IL7: variants seen among roughly 807,000 people sequenced by gnomAD.
The protein encoded by IL7 is interleukin 7.
IL7 carries 3 observed loss-of-function variants against 21.6 expected under a neutral mutation model. The observed-to-expected ratio is 0.14, with a 90% confidence interval of 0.06 to 0.36. The LOEUF (loss-of-function observed/expected upper bound fraction) is 0.36, where lower values mean the gene tolerates loss of function less well. Ranked by LOEUF, IL7 falls within the 10% of genes least tolerant of loss-of-function variation. The probability of loss-of-function intolerance (pLI) is 1.00; values close to 1 mark genes in which losing one functional copy is unlikely to be tolerated. For missense variants in IL7, 175 were observed against 200.2 expected (o/e 0.87, Z 0.76); for synonymous variants, 62 against 68.1 (o/e 0.91, Z 0.44).
intron 2 of IL7, chr8:78,762,557 G>A (rs543843588): frequency 2.3e-6 from 1 of 431,914 alleles, no homozygotes; most frequent in Admixed American, 4.7e-5. Flanking sequence ...ACGCGCGGGG[G>A]AGGGGCGGGC....
intron 3 of IL7, among the ~76,000 whole-genome samples, chr8:78,693,680 G>C (rs758871086): frequency 5.3e-5 from 8 of 152,080 alleles, no homozygotes; most frequent in Non-Finnish European, 1.0e-4. Flanking sequence ...CATTCTGTAG[G>C]TTGCCTGTTC....
rs1206083492 is a variant in IL7, at chr8:78,707,264, A to G, written n.214+14084T>C. ...TTTCAGTATTTCTATAGTACTGGCA[A>G]TTTTATCAGTTGGCAATATTAAATT... On this transcript the variant is annotated intron_variant and non_coding_transcript_variant, in intron 3 of 4. Transcript: ENST00000523959. Among the ~76,000 whole-genome samples, 5 of 152,196 alleles carry G rather than the reference A, an allele frequency of 3.3e-5. No homozygotes were observed. In the East Asian group the frequency reaches 5.8e-4, roughly 18 times the overall value.
chr8:78,760,303 T>A, intron 2 of IL7: 1 of 1,607,212 alleles, frequency 6.2e-7, no homozygotes. Flanking sequence ...AAAGTGTTCC[T>A]CAAATATGCT....
exon 7 of IL7, chr8:78,717,903 G>T: frequency 6.4e-6 from 1 of 155,472 alleles, no homozygotes; most frequent in Non-Finnish European, 1.4e-5. Context: ...TTGTATTATT[G>T]GTGCCTATCT....
chr8:78,730,152 G>A (rs904089305), downstream of IL7, among the ~76,000 whole-genome samples: 2 of 151,914 alleles, frequency 1.3e-5, no homozygotes, highest in African/African-American at 4.8e-5. Flanking sequence ...AGTATCTTAA[G>A]TAACAATGAC....
At chr8:78,697,213 T>C (rs550274039) in intron 3 of IL7, among the ~76,000 whole-genome samples, 10 of 152,226 alleles carry the variant, frequency 6.6e-5, no homozygotes, top group Non-Finnish European at 1.3e-4. Flanking sequence ...TTTTTAAGAA[T>C]ACAATTCAGT....
At chr8:78,791,074 G>A (rs1222180091) in intron 2 of IL7, among the ~76,000 whole-genome samples, 1 of 152,088 alleles carries the variant, frequency 6.6e-6, no homozygotes, top group Admixed American at 6.6e-5. Flanking sequence ...CATCTCTGGT[G>A]AAGTGATGTT....
At chr8:78,748,233 T>G (rs1421216343) in intron 2 of IL7, among the ~76,000 whole-genome samples, 1 of 152,230 alleles carries the variant, frequency 6.6e-6, no homozygotes, top group African/African-American at 2.4e-5. Flanking sequence ...CTAGTTTACT[T>G]TTTTCAATGG....
At chr8:78,691,859 T>C (rs986166415) in intron 3 of IL7, among the ~76,000 whole-genome samples, 2 of 152,156 alleles carry the variant, frequency 1.3e-5, no homozygotes, top group Admixed American at 1.3e-4. Flanking sequence ...GTACTCTTGA[T>C]GTGTATTGTT....
intron 2 of IL7, among the ~76,000 whole-genome samples, chr8:78,791,564 T>C (rs970998655): frequency 6.6e-6 from 1 of 152,116 alleles, no homozygotes; most frequent in African/African-American, 2.4e-5. Flanking sequence ...TGCTTGAACC[T>C]GGGAGGTGGA....
chr8:78,798,400 G>A (rs1481453179), intron 1 of IL7, among the ~76,000 whole-genome samples, 192 bp from the exon 2 acceptor site: 8 of 151,924 alleles, frequency 5.3e-5, no homozygotes, highest in Non-Finnish European at 1.0e-4. Context: ...GGAGTATAGC[G>A]TCCTTTCACT....
intron 2 of IL7, among the ~76,000 whole-genome samples, chr8:78,751,113 AAAG>A (rs1812155848): frequency 6.6e-6 from 1 of 151,834 alleles, no homozygotes; most frequent in African/African-American, 2.4e-5. Context: ...AACTGATAAA[AAAG>A]AACAGAATAT....
intron 3 of IL7, among the ~76,000 whole-genome samples, chr8:78,692,646 A>G (rs1232345418): frequency 3.3e-5 from 5 of 152,108 alleles, no homozygotes; most frequent in Admixed American, 6.5e-5. Flanking sequence ...AGTGGTTTCC[A>G]GTAATCTTTT....
At chr8:78,796,412 C>T (rs1813854848) in intron 2 of IL7, among the ~76,000 whole-genome samples, 1 of 151,948 alleles carries the variant, frequency 6.6e-6, no homozygotes, top group Admixed American at 6.6e-5. Context: ...TGAAAGTTTG[C>T]ATTTTCAATT....
chr8:78,768,375 A>G (rs1812830353), intron 2 of IL7, among the ~76,000 whole-genome samples: 1 of 151,052 alleles, frequency 6.6e-6, no homozygotes, highest in South Asian at 2.1e-4. Flanking sequence ...GAACTAGTTT[A>G]CAGTCCCACC....
chr8:78,771,096 A>G (rs1313726063), intron 2 of IL7, among the ~76,000 whole-genome samples: 1 of 152,058 alleles, frequency 6.6e-6, no homozygotes, highest in Non-Finnish European at 1.5e-5. Flanking sequence ...CCATTTGTGG[A>G]GAGGGGACAG....
At chr8:78,757,956 A>G (rs1352335963) in intron 2 of IL7, among the ~76,000 whole-genome samples, 1 of 151,958 alleles carries the variant, frequency 6.6e-6, no homozygotes, top group African/African-American at 2.4e-5. Context: ...ATAAATGAGA[A>G]TTTCCTTATA....
intron 2 of IL7, chr8:78,747,200 T>TC: frequency 2.6e-6 from 1 of 382,470 alleles, no homozygotes; most frequent in African/African-American, 2.2e-5. Flanking sequence ...TTTTTTTTTT[T>TC]TTTTTTTTTG....
intron 2 of IL7, among the ~76,000 whole-genome samples, chr8:78,749,429 T>A (rs1459887242): frequency 6.6e-6 from 1 of 151,806 alleles, no homozygotes; most frequent in East Asian, 1.9e-4. Flanking sequence ...TCTTCTTAGA[T>A]CAGAGAAGTG....
Sources: allele counts gnomAD v4.1 joint callset (sites outside exome capture counted in the v4.1 genomes callset), GRCh38; gene constraint gnomAD v4.1.1; transcripts MANE v1.5; gene names NCBI Gene and HGNC (gene_info 2026-07-23, HGNC 2026-07-21).